Variants in OTOG observed in about 807,000 individuals in gnomAD.
OTOG encodes otogelin.
In OTOG, 296 loss-of-function variants were observed where a neutral mutation model predicts 313.8. The ratio of observed to expected loss-of-function variants is 0.94; its 90% confidence interval spans 0.86 to 1.04. The LOEUF is 1.04. Among genes scored for constraint, OTOG ranks in the 50% least tolerant of loss-of-function variants. The pLI, the probability that OTOG is intolerant of heterozygous loss-of-function variation, is 0.00. For synonymous variants in OTOG, 1,533 were observed against 1,554.9 expected (o/e 0.99, Z 0.33); for missense variants, 3,948 against 3,840.1 (o/e 1.03, Z -0.74).
chr11:17,602,330 T>G lies in OTOG; in HGVS notation c.3830T>G (p.Ile1277Ser). ...ACAGAGGATGTGGCGCCAGCAGACA[T>G]TGTGAGCTTCCTGCTGACAGCTGCT... is the stretch of plus-strand genomic sequence containing the variant. ...VRTEDVAPADIVSFLLTAALY... is the reference protein window; with the variant it reads ...VRTEDVAPADSVSFLLTAALY... Residue 1277 changes from isoleucine (I) to serine (S), a missense_variant, in exon 32 of 56, where the codon ATT becomes AGT. By Grantham distance (142) the Ile-to-Ser change is moderately radical. Transcript: ENST00000399397. 1 of 1,550,502 alleles carries G rather than the reference T, an allele frequency of 6.4e-7. No homozygotes were observed.
At chr11:17,625,446 T>C (rs1853960427) in intron 39 of OTOG, among the ~76,000 whole-genome samples, 1 of 152,232 alleles carries the variant, frequency 6.6e-6, no homozygotes, top group Non-Finnish European at 1.5e-5. Context: ...GTTTATGTGA[T>C]GAATCATATT....
At chr11:17,623,336 C>T (rs1191279567) in intron 39 of OTOG, among the ~76,000 whole-genome samples, 1 of 152,094 alleles carries the variant, frequency 6.6e-6, no homozygotes, top group Non-Finnish European at 1.5e-5. Context: ...TCTGTTGTTC[C>T]CCTCTACCTG....
intron 30 of OTOG, among the ~76,000 whole-genome samples, chr11:17,597,638 ACTC>A (rs779813443): frequency 1.3e-5 from 2 of 152,346 alleles, no homozygotes; most frequent in East Asian, 1.9e-4. Flanking sequence ...CCATAGATAT[ACTC>A]CTCAAGTAAA....
intron 23 of OTOG, among the ~76,000 whole-genome samples, chr11:17,582,747 C>T (rs761790002): frequency 7.2e-5 from 11 of 152,084 alleles, no homozygotes; most frequent in South Asian, 4.1e-4. Flanking sequence ...ATTGGCCATT[C>T]GTGTATCTTT....
At chr11:17,574,998 G>T in intron 20 of OTOG, 86 bp downstream of exon 20, 1 of 1,300,474 alleles carries the variant, frequency 7.7e-7, no homozygotes, top group African/African-American at 1.5e-5. Context: ...AACCTGGCTG[G>T]GCCTCTTGTG....
chr11:17,562,194 T>C lies in OTOG; in HGVS notation c.1644+387T>C, dbSNP rs182145735. Among the ~76,000 whole-genome samples, 101 of 137,886 alleles carry C rather than the reference T, an allele frequency of 7.3e-4. 2 individuals carry two copies. The East Asian group carries it at 0.019, about 26-fold the overall frequency. 90.5% of individuals were successfully genotyped at this position (137,886 alleles called of 152,430 possible). A position where few individuals can be genotyped will look rare whatever the true frequency, so the allele number is the denominator to read the frequency against. ...TGGAGCTTGCAGTGAGCCGAGATCG[T>C]GCCACTGCACTCCAGCCTGGGCAAC... On this transcript the variant is annotated intron_variant, in intron 15 of 55. Coordinates refer to ENST00000399397, the MANE Select transcript of OTOG (RefSeq NM_001292063.2).
At chr11:17,583,090 T>C (rs1210927309) in intron 23 of OTOG, among the ~76,000 whole-genome samples, 2 of 151,942 alleles carry the variant, frequency 1.3e-5, no homozygotes, top group African/African-American at 4.8e-5. Context: ...TGTTTTTTTC[T>C]AGGAGCTTTA....
intron 22 of OTOG, 175 bp from the exon 23 acceptor site, chr11:17,578,198 A>T (rs946231490): frequency 1.5e-6 from 2 of 1,373,408 alleles, no homozygotes; most frequent in Admixed American, 3.3e-5. Flanking sequence ...GACAGCACAC[A>T]TCTACCCCTC....
At chr11:17,586,893 A>T (rs1294898049) in intron 24 of OTOG, among the ~76,000 whole-genome samples, 1 of 152,246 alleles carries the variant, frequency 6.6e-6, no homozygotes, top group Non-Finnish European at 1.5e-5. Context: ...TCCAAAATGC[A>T]CATGTGCATA....
At position 17,595,370 on chromosome 11, in the gene OTOG, A is replaced by G. The variant is rs1347610937; in HGVS notation, c.3409-668A>G. Among the ~76,000 whole-genome samples, 4 of 152,220 alleles carry G rather than the reference A, an allele frequency of 2.6e-5. 1 individual carries two copies. The highest frequency in any genetic ancestry group is 5.9e-5 in the Non-Finnish European group (4 of 68,046). On this transcript the variant is annotated intron_variant, in intron 28 of 55. Transcript: ENST00000399397. ...TGTAGTCTAAGGAAGGAGATTCAGCAGACATCGGAAACATCTGTATTAGTT... is the reference window on the plus strand; with the variant it reads ...TGTAGTCTAAGGAAGGAGATTCAGCGGACATCGGAAACATCTGTATTAGTT...
intron 22 of OTOG, among the ~76,000 whole-genome samples, chr11:17,578,101 T>C (rs1301181618): frequency 6.6e-6 from 1 of 152,096 alleles, no homozygotes; most frequent in Non-Finnish European, 1.5e-5. Context: ...GGATTCAATA[T>C]GATGATGCAG....
At chr11:17,634,700 T>C in intron 44 of OTOG, 144 bp from the exon 45 acceptor site, 1 of 653,150 alleles carries the variant, frequency 1.5e-6, no homozygotes. Context: ...CTCAATGACC[T>C]CATCTAGGAG....
chr11:17,566,534 A>G (rs1852296773), intron 15 of OTOG, among the ~76,000 whole-genome samples: 1 of 152,218 alleles, frequency 6.6e-6, no homozygotes, highest in Non-Finnish European at 1.5e-5. Flanking sequence ...GCTAAACATG[A>G]CTTCATACTG....
chr11:17,604,565 C>T (rs1474946700), intron 32 of OTOG, among the ~76,000 whole-genome samples: 2 of 152,228 alleles, frequency 1.3e-5, no homozygotes, highest in East Asian at 1.9e-4. Context: ...GCCTCTCTTC[C>T]CTCCTCTGTA....
rs1353934063 is a variant in OTOG, at chr11:17,569,916, G to C, written c.1778-297G>C. On this transcript the variant is annotated intron_variant, in intron 16 of 55. Coordinates refer to ENST00000399397, the MANE Select transcript of OTOG (RefSeq NM_001292063.2). ...ACAGAATCCTCCTTCTGCTAGAGGA[G>C]GAAACGTGTACCAGTTCCTTAGTGG... Among the ~76,000 whole-genome samples the C allele has an allele frequency of 3.3e-5, 5 of 152,206 alleles. 1 individual carries two copies. The South Asian group carries it at 1.0e-3, about 32-fold the overall frequency.
chr11:17,582,158 C>T (rs962849887), intron 23 of OTOG, among the ~76,000 whole-genome samples: 1 of 152,140 alleles, frequency 6.6e-6, no homozygotes, highest in African/African-American at 2.4e-5. Flanking sequence ...AGATATATAA[C>T]ATTTCTATCA....
In OTOG at chr11:17,596,904, C is replaced by T; in HGVS notation, c.3579C>T (p.Ser1193=). 1.3e-6 allele frequency: 2 copies of T among 1,551,024 alleles called. No individual in the cohort carries two copies. The highest frequency in any genetic ancestry group is 1.7e-6 in the Non-Finnish European group (2 of 1,147,090). Residue 1193 remains serine, a synonymous_variant, in exon 30 of 56, where the codon AGC becomes AGT. Coordinates refer to ENST00000399397, the MANE Select transcript of OTOG (RefSeq NM_001292063.2). ...GCCTGACAGACACATGTGGCTGCAG[C>T]CAGGGTGGTGACTGTGAGTGCTTCT... ...SNCLTDTCGC[S]QGGDCECFCA...
intron 24 of OTOG, among the ~76,000 whole-genome samples, chr11:17,590,010 C>T (rs1051503242): frequency 5.3e-5 from 8 of 152,170 alleles, no homozygotes; most frequent in African/African-American, 1.9e-4. Flanking sequence ...GGTTCTTCCT[C>T]TTCTCCAACC....
At position 17,572,124 on chromosome 11, in the gene OTOG, A is replaced by G; in HGVS notation, c.2000A>G (p.Asn667Ser). The G allele has an allele frequency of 1.3e-6, 2 of 1,550,434 alleles. No individual in the cohort carries two copies. Among genetic ancestry groups the G allele is most frequent in the Non-Finnish European group, 1.7e-6 (2 of 1,146,946 alleles). ...VPESTPQLFG[N>S]SWKTLSACSP... ...GAGAGCACCCCACAACTTTTTGGCA[A>G]TTCCTGGAAAACACTTTCTGCTTGC... Residue 667 changes from asparagine (N) to serine (S), a missense_variant, in exon 18 of 56, where the codon AAT becomes AGT. Coordinates refer to ENST00000399397, the MANE Select transcript of OTOG (RefSeq NM_001292063.2).
Sources: gnomAD v4.1 joint callset for allele counts (sites outside exome capture counted in the v4.1 genomes callset) on GRCh38, gnomAD v4.1.1 for gene constraint, MANE v1.5 for transcripts, NCBI Gene and HGNC (gene_info 2026-07-23, HGNC 2026-07-21) for gene names.